Variants in IGFBP4 observed in about 807,000 individuals in gnomAD.
IGFBP4 encodes insulin-like growth factor-binding protein 4.
In IGFBP4, 9 loss-of-function variants were observed where a neutral mutation model predicts 25.8. The observed-to-expected ratio is 0.35, with a 90% CI of 0.21 to 0.61. IGFBP4 has a LOEUF of 0.61. Ranked by LOEUF, IGFBP4 falls within the 20% of genes least tolerant of loss-of-function variation. The probability of loss-of-function intolerance (pLI) is 0.77; values close to 1 mark genes in which losing one functional copy is unlikely to be tolerated. For missense variants in IGFBP4, 315 were observed against 365.3 expected, an observed-to-expected ratio of 0.86 and a Z score of 1.12; for synonymous variants, 153 against 153.9, an observed-to-expected ratio of 0.99 and a Z score of 0.05.
chr17:40,456,449 T>C lies in IGFBP4; in HGVS notation c.643T>C (p.Cys215Arg). Residue 215 changes from cysteine to arginine, a missense_variant and splice_region_variant, in exon 4 of 4, where the codon TGT (cysteine) becomes CGT (arginine). Transcript: ENST00000269593. The part of the protein sequence containing the change: ...DRNGNFHPKQ[C>R]HPALDGQRGK... ...ACCCCTCATGTCCTTCTCTTGGCAG[T>C]GTCACCCAGCTCTGGATGGGCAGCG... The C allele has an allele frequency of 3.1e-6, 5 of 1,614,076 alleles. No homozygotes were observed. The highest frequency in any genetic ancestry group is 4.2e-6 in the Non-Finnish European group (5 of 1,180,000).
intron 1 of IGFBP4, among the ~76,000 whole-genome samples, chr17:40,445,517 G>A (rs1452729073): frequency 1.3e-5 from 2 of 152,228 alleles, no homozygotes; most frequent in Non-Finnish European, 2.9e-5. Flanking sequence ...AGGAGAGCAG[G>A]ATGCAGGGAA....
rs1222397255 is a variant in IGFBP4, at chr17:40,453,454, G to A, written c.507+312G>A. Among the ~76,000 whole-genome samples the A allele has an allele frequency of 6.6e-6, 1 of 152,152 alleles. No individual in the cohort carries two copies. The highest frequency in any genetic ancestry group is 2.1e-4 in the South Asian group (1 of 4,820). On this transcript the variant is annotated intron_variant, in intron 2 of 3. Transcript: ENST00000269593. The surrounding 1 kb of genome is among the most constrained non-coding windows in gnomAD (Gnocchi z 4.0). ...TTGGTAAAAAGCAGTTACCCAAAGC[G>A]CCCTGGGGTTTCTTGGCCTTTTTTG...
At chr17:40,446,328 AAAGTAGG>A (rs1273662659) in intron 1 of IGFBP4, among the ~76,000 whole-genome samples, 22 of 151,002 alleles carry the variant, frequency 1.5e-4, no homozygotes, top group Admixed American at 1.5e-3. Flanking sequence ...AAAAAAAAAA[AAAGTAGG>A]CCGGGTGCAG....
chr17:40,445,654 C>G (rs187136062), intron 1 of IGFBP4, among the ~76,000 whole-genome samples: 35 of 152,234 alleles, frequency 2.3e-4, no homozygotes, highest in African/African-American at 7.0e-4. Context: ...CCCAGCATAT[C>G]TGGGAAGGGG....
intron 3 of IGFBP4, among the ~76,000 whole-genome samples, chr17:40,454,418 C>G (rs2035703693): frequency 6.6e-6 from 1 of 152,222 alleles, no homozygotes; most frequent in South Asian, 2.1e-4. Flanking sequence ...CTCTCATTCA[C>G]TCTACTCTAT....
At chr17:40,445,299 CTCTG>C (rs1376418229) in intron 1 of IGFBP4, among the ~76,000 whole-genome samples, 6 of 152,326 alleles carry the variant, frequency 3.9e-5, no homozygotes, top group Admixed American at 1.3e-4. Flanking sequence ...TTGGGAATCT[CTCTG>C]TCTGTCTTTC....
chr17:40,444,290 G>A (rs904414246), intron 1 of IGFBP4, among the ~76,000 whole-genome samples: 3 of 152,218 alleles, frequency 2.0e-5, no homozygotes, highest in Non-Finnish European at 4.4e-5. Context: ...CACCACCAAG[G>A]GAGACTGTCC....
At position 40,453,500 on chromosome 17, in the gene IGFBP4, C is replaced by T. The variant is rs2035697794; in HGVS notation, c.507+358C>T. On this transcript the variant is annotated intron_variant, in intron 2 of 3. Coordinates refer to ENST00000269593, the MANE Select transcript of IGFBP4 (RefSeq NM_001552.3). The surrounding 1 kb of genome is among the most constrained non-coding windows in gnomAD (Gnocchi z 4.0). ...TTTTGGATTCCCCACCCCAGACCTT[C>T]TCAGTAACCAAAGGGTAATGCTGGC... Among the ~76,000 whole-genome samples the T allele has an allele frequency of 6.6e-6, 1 of 152,160 alleles. No individual in the cohort carries two copies. The highest frequency in any genetic ancestry group is 1.5e-5 in the Non-Finnish European group (1 of 68,016).
intron 1 of IGFBP4, among the ~76,000 whole-genome samples, chr17:40,444,926 C>CACACAG (rs1456516087): frequency 3.2e-4 from 20 of 62,688 alleles, no homozygotes; most frequent in African/African-American, 7.3e-4. Flanking sequence ...CACACACACA[C>CACACAG]AGAGACAGAG....
chr17:40,452,816 G>C (rs1445741750), intron 1 of IGFBP4, among the ~76,000 whole-genome samples, 169 bp from the exon 2 acceptor site: 1 of 152,092 alleles, frequency 6.6e-6, no homozygotes, highest in Non-Finnish European at 1.5e-5. Flanking sequence ...GGGGAGAGGG[G>C]AGGAGGTAGG....
At position 40,453,061 on chromosome 17, in the gene IGFBP4, C is replaced by G. The variant is rs537346134; in HGVS notation, c.426C>G (p.His142Gln). ...ATGACCGCAGGTGCCTGCAGAAGCA[C>G]TTCGCCAAAATTCGAGACCGGAGCA... ...SAHDRRCLQK[H>Q]FAKIRDRSTS... The change falls in exon 2 of 4, where the codon CAC becomes CAG. Residue 142 changes from histidine (H) to glutamine (Q), a missense_variant. By Grantham distance (24) the His-to-Gln change is conservative. Transcript: ENST00000269593. The surrounding 1 kb of genome is among the most constrained non-coding windows in gnomAD (Gnocchi z 4.0). The G allele has an allele frequency of 3.1e-4, 501 of 1,602,272 alleles. 7 individuals are homozygous for G. In the South Asian group the frequency reaches 5.5e-3, roughly 18 times the overall value.
At chr17:40,446,832 C>G (rs2035649319) in intron 1 of IGFBP4, among the ~76,000 whole-genome samples, 1 of 152,174 alleles carries the variant, frequency 6.6e-6, no homozygotes, top group African/African-American at 2.4e-5. Context: ...TGCCCGTGCC[C>G]TCCCACACCT....
At chr17:40,449,763 GGAGA>G (rs764526619) in intron 1 of IGFBP4, among the ~76,000 whole-genome samples, 58 of 149,752 alleles carry the variant, frequency 3.9e-4, no homozygotes, top group Non-Finnish European at 5.3e-4. Context: ...AAAAAAAAAA[GGAGA>G]GAGAGAGAGA....
intron 1 of IGFBP4, among the ~76,000 whole-genome samples, chr17:40,449,414 GA>G (rs1294012674): frequency 2.0e-5 from 3 of 151,988 alleles, no homozygotes; most frequent in Non-Finnish European, 4.4e-5. Context: ...CCAGGAGTTT[GA>G]GACCAGCCTG....
intron 1 of IGFBP4, among the ~76,000 whole-genome samples, chr17:40,446,639 A>T (rs2035647643): frequency 6.6e-6 from 1 of 152,098 alleles, no homozygotes; most frequent in Admixed American, 6.6e-5. Context: ...AAATAAACAA[A>T]AAAAACAAAA....
At chr17:40,450,350 A>G (rs1374914435) in intron 1 of IGFBP4, among the ~76,000 whole-genome samples, 1 of 152,058 alleles carries the variant, frequency 6.6e-6, no homozygotes. Context: ...CAGGAAAAAC[A>G]AAGGCTTTCC....
chr17:40,454,202 A>T (rs1318518915), intron 3 of IGFBP4, 140 bp downstream of exon 3: 2 of 1,243,586 alleles, frequency 1.6e-6, no homozygotes, highest in Admixed American at 5.8e-5. Context: ...GCCTCCCTAA[A>T]CCTACCTCAG....
intron 1 of IGFBP4, among the ~76,000 whole-genome samples, chr17:40,446,735 C>T (rs1460847926): frequency 6.6e-6 from 1 of 152,212 alleles, no homozygotes; most frequent in Non-Finnish European, 1.5e-5. Context: ...TTCCTCCTTG[C>T]CTTGTCCTCC....
intron 3 of IGFBP4, among the ~76,000 whole-genome samples, chr17:40,454,403 A>G (rs1015670967): frequency 6.6e-6 from 1 of 152,126 alleles, no homozygotes; most frequent in African/African-American, 2.4e-5. Context: ...CTGGCTCCCA[A>G]CACTCTCTCA....
Sources: allele counts gnomAD v4.1 joint callset (sites outside exome capture counted in the v4.1 genomes callset), GRCh38; gene constraint gnomAD v4.1.1; non-coding constraint Gnocchi (gnomAD v3.1); transcripts MANE v1.5; gene names NCBI Gene and HGNC (gene_info 2026-07-23, HGNC 2026-07-21).